Variants in ANKS1B observed in about 807,000 individuals in gnomAD.
The protein encoded by ANKS1B is ankyrin repeat and sterile alpha motif domain containing 1B, also known as ankyrin repeat and sterile alpha motif domain-containing protein 1B.
In ANKS1B, 36 loss-of-function variants were observed where a neutral mutation model predicts 148.3. That is an observed-to-expected ratio of 0.24 (90% confidence interval 0.19 to 0.32). The LOEUF is 0.32. ANKS1B is among the 10% of genes least tolerant of loss of function. The pLI is 1.00. For synonymous variants in ANKS1B, 542 were observed against 560.8 expected, an observed-to-expected ratio of 0.97 and a Z score of 0.47; for missense variants, 1,157 against 1,542.6, an observed-to-expected ratio of 0.75 and a Z score of 4.19.
At chr12:99,602,049 T>C (rs1196427206) in intron 9 of ANKS1B, among the ~76,000 whole-genome samples, 3 of 152,016 alleles carry the variant, frequency 2.0e-5, no homozygotes, top group Non-Finnish European at 4.4e-5. Context: ...CTAGTTTCTA[T>C]GGCCTGCCTT....
At chr12:99,688,037 C>T (rs1465345708) in intron 8 of ANKS1B, among the ~76,000 whole-genome samples, 1 of 152,156 alleles carries the variant, frequency 6.6e-6, no homozygotes. Context: ...TTCAAGGCCA[C>T]ATTATCCCCA....
chr12:99,514,708 T>G (rs1456414410), intron 9 of ANKS1B, among the ~76,000 whole-genome samples: 1 of 152,092 alleles, frequency 6.6e-6, no homozygotes, highest in Non-Finnish European at 1.5e-5. Flanking sequence ...ACCAGATATT[T>G]ATTGCCAGAA....
chr12:99,082,060 G>A (rs749483207), intron 16 of ANKS1B, among the ~76,000 whole-genome samples: 13 of 152,142 alleles, frequency 8.5e-5, no homozygotes, highest in South Asian at 2.1e-4. Context: ...GAAAGGGAAG[G>A]TCAGTGTATT....
intron 1 of ANKS1B, among the ~76,000 whole-genome samples, chr12:99,956,478 C>T (rs753894734): frequency 2.2e-4 from 33 of 152,076 alleles, no homozygotes; most frequent in Non-Finnish European, 2.9e-4. Context: ...ACTATAAATG[C>T]TAATTGGTTT....
At chr12:98,914,681 G>A (rs565828452) in intron 17 of ANKS1B, among the ~76,000 whole-genome samples, 7 of 151,834 alleles carry the variant, frequency 4.6e-5, no homozygotes, top group South Asian at 2.1e-4. Flanking sequence ...TTTCTACATC[G>A]GGGTGTTTGC....
chr12:99,203,127 T>C (rs2082257115), intron 14 of ANKS1B, among the ~76,000 whole-genome samples: 1 of 152,206 alleles, frequency 6.6e-6, no homozygotes, highest in Non-Finnish European at 1.5e-5. Flanking sequence ...AGGTCTCTAA[T>C]GTAACAACTA....
intron 8 of ANKS1B, among the ~76,000 whole-genome samples, chr12:99,723,498 G>A (rs2058308997): frequency 6.6e-6 from 1 of 152,130 alleles, no homozygotes; most frequent in Non-Finnish European, 1.5e-5. Context: ...GATCTCCCTG[G>A]CCGGAGCCAC....
At chr12:98,769,615 C>T (rs992617587) in intron 25 of ANKS1B, among the ~76,000 whole-genome samples, 11 of 152,058 alleles carry the variant, frequency 7.2e-5, no homozygotes, top group African/African-American at 2.4e-4. Context: ...TTTCTTCCCC[C>T]AACATTTCAC....
intron 20 of ANKS1B, among the ~76,000 whole-genome samples, chr12:98,805,742 C>A (rs900923755): frequency 5.9e-5 from 9 of 152,170 alleles, no homozygotes; most frequent in African/African-American, 1.7e-4. Context: ...GCACTGGACA[C>A]CTACAGCAAA....
chr12:99,528,953 T>C (rs1262584081), intron 9 of ANKS1B, among the ~76,000 whole-genome samples: 1 of 152,188 alleles, frequency 6.6e-6, no homozygotes, highest in Non-Finnish European at 1.5e-5. Context: ...TACATGTGAT[T>C]TTCAGGGAAA....
At chr12:98,949,173 C>T (rs1245781749) in intron 17 of ANKS1B, among the ~76,000 whole-genome samples, 4 of 151,818 alleles carry the variant, frequency 2.6e-5, no homozygotes, top group East Asian at 1.9e-4. Context: ...AGGACGGTCT[C>T]GATCTCCTGA....
rs143393024 is a variant in ANKS1B at position 99,808,940 on chromosome 12, T to C, written c.373-2240A>G. Among the ~76,000 whole-genome samples, 407 of 152,186 alleles carry C rather than the reference T, an allele frequency of 2.7e-3. 1 individual carries two copies. The highest frequency in any genetic ancestry group is 8.8e-3 in the African/African-American group (364 of 41,564). The stretch of plus-strand genomic sequence containing the variant: ...GAAAATATATCAATCATTCAAGACC[T>C]ACTCAGGATAAAAAGTTCACAGATT... On this transcript the variant is annotated intron_variant, in intron 3 of 26. Coordinates refer to ENST00000683438, the MANE Select transcript of ANKS1B (RefSeq NM_001352186.2).
At chr12:99,395,163 A>T (rs1419081042) in intron 12 of ANKS1B, among the ~76,000 whole-genome samples, 1 of 152,062 alleles carries the variant, frequency 6.6e-6, no homozygotes, top group African/African-American at 2.4e-5. Flanking sequence ...CAATGCTACA[A>T]TTGCCTTCTA....
chr12:98,764,533 A>G (rs1049725613), intron 25 of ANKS1B, among the ~76,000 whole-genome samples: 1 of 152,178 alleles, frequency 6.6e-6, no homozygotes, highest in Non-Finnish European at 1.5e-5. Flanking sequence ...TGGCTTCTTC[A>G]CTAACTTGTG....
At chr12:99,169,032 GA>G (rs2077481545) in intron 14 of ANKS1B, among the ~76,000 whole-genome samples, 1 of 152,150 alleles carries the variant, frequency 6.6e-6, no homozygotes. Flanking sequence ...TCATTAGGGG[GA>G]AAATACTTCT....
At chr12:99,339,032 G>C (rs1346436398) in intron 12 of ANKS1B, among the ~76,000 whole-genome samples, 1 of 152,126 alleles carries the variant, frequency 6.6e-6, no homozygotes, top group Non-Finnish European at 1.5e-5. Flanking sequence ...TCCTTGGCTG[G>C]TGTCCCACTA....
intron 3 of ANKS1B, among the ~76,000 whole-genome samples, chr12:99,807,637 C>A (rs1267296250): frequency 6.6e-6 from 1 of 152,132 alleles, no homozygotes; most frequent in South Asian, 2.1e-4. Flanking sequence ...GACATAGTTG[C>A]ATTTTATATA....
intron 16 of ANKS1B, among the ~76,000 whole-genome samples, chr12:99,080,584 G>C (rs2049359140): frequency 6.6e-6 from 1 of 152,180 alleles, no homozygotes; most frequent in African/African-American, 2.4e-5. Context: ...TGCGATATGA[G>C]CCTTGACACA....
At chr12:99,414,888 T>C (rs1029876522) in intron 11 of ANKS1B, among the ~76,000 whole-genome samples, 2 of 152,206 alleles carry the variant, frequency 1.3e-5, no homozygotes, top group Non-Finnish European at 2.9e-5. Context: ...GTTAAGTCTA[T>C]CCCTAGTATT....
Sources: allele counts gnomAD v4.1 joint callset (sites outside exome capture counted in the v4.1 genomes callset), GRCh38; gene constraint gnomAD v4.1.1; transcripts MANE v1.5; gene names NCBI Gene and HGNC (gene_info 2026-07-23, HGNC 2026-07-21).